CNN1: variants seen among roughly 807,000 people sequenced by gnomAD.
CNN1 encodes the protein calponin 1.
A neutral mutation model predicts 35.3 loss-of-function variants in CNN1; 21 were observed. The ratio of observed to expected loss-of-function variants is 0.60; its 90% confidence interval spans 0.42 to 0.86. The LOEUF (loss-of-function observed/expected upper bound fraction) is 0.86. Ranked by LOEUF, CNN1 falls within the 40% of genes least tolerant of loss-of-function variation. CNN1 has a pLI of 0.00. For synonymous variants in CNN1, 164 were observed against 161.8 expected (o/e 1.01, Z -0.10); for missense variants, 314 against 400.8 (o/e 0.78, Z 1.85).
At chr19:11,547,448 C>A (rs932233906) in intron 4 of CNN1, among the ~76,000 whole-genome samples, 8 of 151,620 alleles carry the variant, frequency 5.3e-5, no homozygotes, top group African/African-American at 1.9e-4. Context: ...CGGTGGCTCA[C>A]GCCTGTAATC....
At chr19:11,539,081 C>G in intron 1 of CNN1, 91 bp downstream of exon 1, 5 of 1,200,088 alleles carry the variant, frequency 4.2e-6, no homozygotes, top group Non-Finnish European at 5.6e-6. Flanking sequence ...TCCTGCCTAT[C>G]CTATGTGACT....
chr19:11,545,899 G>A (rs550697996), intron 2 of CNN1, among the ~76,000 whole-genome samples: 2 of 151,260 alleles, frequency 1.3e-5, no homozygotes, highest in East Asian at 3.9e-4. Flanking sequence ...CTGGGAAGTT[G>A]AGGCTGCAGT....
At chr19:11,541,248 C>G (rs781493302) in intron 2 of CNN1, 51 bp downstream of exon 2, 5 of 1,496,604 alleles carry the variant, frequency 3.3e-6, no homozygotes, top group Non-Finnish European at 2.7e-6. Flanking sequence ...CAACTCCATG[C>G]AGCCCCTCAA....
intron 2 of CNN1, 109 bp from the exon 3 acceptor site, chr19:11,546,566 C>G (rs1972588801): frequency 4.5e-6 from 5 of 1,104,738 alleles, no homozygotes; most frequent in Non-Finnish European, 6.8e-6. Flanking sequence ...GCTCTCCTGA[C>G]CTCGTGATCC....
rs1972690573 is a variant in CNN1 at position 11,550,075 on chromosome 19, C to G, written c.*280C>G. 4 of 348,954 alleles carry G rather than the reference C, an allele frequency of 1.1e-5. No individual in the cohort carries two copies. In the East Asian group the frequency reaches 1.9e-4, roughly 16 times the overall value. 21.6% of individuals were successfully genotyped at this position (348,954 alleles called of 1,614,324 possible). ...GAGCAACGCTATTCCAGCTGTCCCC[C>G]CACTCCCTCACAAGTGGGTACCCCC... On this transcript the variant is annotated 3_prime_UTR_variant, in exon 7 of 7. Coordinates refer to ENST00000252456, the MANE Select transcript of CNN1 (RefSeq NM_001299.6).
rs1421091028 is a variant in CNN1, at chr19:11,549,286, T to A, written c.502-37T>A. On this transcript the variant is annotated intron_variant, in intron 5 of 6. Coordinates refer to ENST00000252456, the MANE Select transcript of CNN1 (RefSeq NM_001299.6). This position sits in a 1 kb window ranked among gnomAD's most constrained non-coding sequence, Gnocchi z 5.2. ...ATGCCTCATGGCCCATGATGAGGTC[T>A]GTAATTATTGGTGTGATTCTCCTTC... 6.2e-7 allele frequency: 1 copy of A among 1,611,446 alleles called. No individual in the cohort carries two copies. Among genetic ancestry groups the A allele is most frequent in the African/African-American group, 1.3e-5 (1 of 74,870 alleles).
chr19:11,545,971 GAAAA>G lies in CNN1; in HGVS notation c.186-697_186-694del, dbSNP rs939027562. On this transcript the variant is annotated intron_variant, in intron 2 of 6. Transcript: ENST00000252456. Reference sequence around the variant, plus strand: ...ACAAAGCCACACCCTGCATCAAAAAGAAAAAAAAAAGAAAAGAAAAGAAAAAAGA... The same window carrying G: ...ACAAAGCCACACCCTGCATCAAAAAGAAAAAAGAAAAGAAAAGAAAAAAGA... Among the ~76,000 whole-genome samples, 5 of 140,786 alleles carry G rather than the reference GAAAA, an allele frequency of 3.6e-5. No individual in the cohort carries two copies. The South Asian group carries it at 9.1e-4, about 26-fold the overall frequency. The allele number at this position is 140,786 out of a possible 152,430, so 92.4% of individuals were successfully genotyped here. A position where few individuals can be genotyped will look rare whatever the true frequency, so the allele number is the denominator to read the frequency against.
At chr19:11,542,179 C>T (rs192154898) in intron 2 of CNN1, 1 of 150,794 alleles carries the variant, frequency 6.6e-6, no homozygotes, top group Admixed American at 6.6e-5. Flanking sequence ...TGAGCCACCT[C>T]GCCCGACCTT....
rs759898587 is a variant in CNN1, at chr19:11,549,794, A to T, written c.893A>T (p.Ter298LeuextTer38). Reference protein sequence around the residue: ...HHAHNYYNSA* With the variant: ...HHAHNYYNSAL ...GCACACAACTACTACAATTCCGCCTAGGGCCACAAGGCCTTCCCTGTTTTC... is the reference window on the plus strand; with the variant it reads ...GCACACAACTACTACAATTCCGCCTTGGGCCACAAGGCCTTCCCTGTTTTC... Residue 298 changes from the stop codon to leucine (L), a stop_lost, in exon 7 of 7, where the codon TAG (stop) becomes TTG (leucine). Transcript: ENST00000252456. The surrounding 1 kb of genome is among the most constrained non-coding windows in gnomAD (Gnocchi z 5.2). The T allele has an allele frequency of 3.8e-6, 6 of 1,598,844 alleles. No homozygotes were observed. The highest frequency in any genetic ancestry group is 5.1e-6 in the Non-Finnish European group (6 of 1,169,448).
In CNN1 at chr19:11,538,921, G is replaced by C. The variant is rs1399081600; in HGVS notation, c.-7G>C. Reference sequence around the variant, plus strand: ...GCCACTGCCCCCGCCAGAGCCCACCGGCCAGCATGTCCTCTGCTCACTTCA... The same window carrying C: ...GCCACTGCCCCCGCCAGAGCCCACCCGCCAGCATGTCCTCTGCTCACTTCA... On this transcript the variant is annotated 5_prime_UTR_variant, in exon 1 of 7. Coordinates refer to ENST00000252456, the MANE Select transcript of CNN1 (RefSeq NM_001299.6). 12 of 1,561,600 alleles carry C rather than the reference G, an allele frequency of 7.7e-6. No homozygotes were observed. The highest frequency in any genetic ancestry group is 2.8e-5 in the African/African-American group (2 of 72,442).
chr19:11,547,200 C>T (rs1418474702), intron 4 of CNN1, among the ~76,000 whole-genome samples: 2 of 151,556 alleles, frequency 1.3e-5, no homozygotes, highest in Non-Finnish European at 2.9e-5. Flanking sequence ...AGTTTGAGAC[C>T]AGTCTGGCCA....
At chr19:11,543,404 C>T (rs1240156581) in intron 2 of CNN1, among the ~76,000 whole-genome samples, 3 of 150,880 alleles carry the variant, frequency 2.0e-5, no homozygotes, top group African/African-American at 7.3e-5. Context: ...ACCAACATGG[C>T]ACATGTATAC....
intron 2 of CNN1, among the ~76,000 whole-genome samples, chr19:11,543,700 G>A (rs952238365): frequency 1.3e-5 from 2 of 149,570 alleles, no homozygotes; most frequent in East Asian, 2.0e-4. Flanking sequence ...GGAGAATAGC[G>A]TGAACCCGGG....
At chr19:11,544,109 T>C (rs1040004931) in intron 2 of CNN1, among the ~76,000 whole-genome samples, 5 of 151,870 alleles carry the variant, frequency 3.3e-5, no homozygotes, top group Admixed American at 2.0e-4. Context: ...AGATCAATCA[T>C]ATAATTGATC....
chr19:11,539,069 C>T (rs1972401875), intron 1 of CNN1, 79 bp downstream of exon 1: 2 of 1,290,222 alleles, frequency 1.6e-6, no homozygotes, highest in African/African-American at 3.1e-5. Flanking sequence ...CCTTGAACCC[C>T]CTCCTGCCTA....
chr19:11,547,068 CG>C (rs576727070), intron 4 of CNN1, 99 bp downstream of exon 4: 1 of 1,546,296 alleles, frequency 6.5e-7, no homozygotes, highest in Non-Finnish European at 8.8e-7. Context: ...GGTGGCGGAG[CG>C]GGGGGCAGGG....
chr19:11,545,789 C>T (rs1173795105), intron 2 of CNN1, among the ~76,000 whole-genome samples: 1 of 144,408 alleles, frequency 6.9e-6, no homozygotes, highest in Non-Finnish European at 1.5e-5. Context: ...AGTGAAACCC[C>T]CTCTCTACCA....
chr19:11,539,413 G>A (rs772469935), intron 1 of CNN1: 6 of 1,075,634 alleles, frequency 5.6e-6, no homozygotes, highest in Non-Finnish European at 6.8e-6. Context: ...TGAAGACAGA[G>A]GGGGACGGTG....
chr19:11,538,853 A>G lies in CNN1; in HGVS notation c.-75A>G, dbSNP rs1470489944. The G allele has an allele frequency of 7.0e-6, 9 of 1,287,980 alleles. No individual in the cohort carries two copies. The Admixed American group carries it at 8.1e-5, about 12-fold the overall frequency. The allele number at this position is 1,287,980 out of a possible 1,614,324, so 79.8% of individuals were successfully genotyped here. A position where few individuals can be genotyped will look rare whatever the true frequency, so the allele number is the denominator to read the frequency against. On this transcript the variant is annotated 5_prime_UTR_variant, in exon 1 of 7. Transcript: ENST00000252456. The stretch of plus-strand genomic sequence containing the variant: ...AACATGTGAGGAGGGAAGAGTGTGC[A>G]GACGGAACTTCAGCCGCTGCCTCTG...
Sources: allele counts gnomAD v4.1 joint callset (sites outside exome capture counted in the v4.1 genomes callset), GRCh38; gene constraint gnomAD v4.1.1; non-coding constraint Gnocchi (gnomAD v3.1); transcripts MANE v1.5; gene names NCBI Gene and HGNC (gene_info 2026-07-23, HGNC 2026-07-21).